HPSE2: variants seen among roughly 807,000 people sequenced by gnomAD.
HPSE2 encodes heparanase 2 (inactive).
A neutral mutation model predicts 60.5 loss-of-function variants in HPSE2; 38 were observed. That is an observed-to-expected ratio of 0.63 (90% CI 0.48 to 0.82). The LOEUF is 0.82. Ranked by LOEUF, HPSE2 falls within the 40% of genes least tolerant of loss-of-function variation. HPSE2 has a pLI of 0.00. For synonymous variants in HPSE2, 295 were observed against 293.2 expected, an observed-to-expected ratio of 1.01 and a Z score of -0.06; for missense variants, 713 against 740.4, an observed-to-expected ratio of 0.96 and a Z score of 0.43.
chr10:99,184,522 C>CCAAAAA (rs1847899081), intron 2 of HPSE2, among the ~76,000 whole-genome samples: 5 of 60,788 alleles, frequency 8.2e-5, no homozygotes, highest in African/African-American at 6.1e-4. Flanking sequence ...GAGACTGTCT[C>CCAAAAA]AAAAAAAAAA....
intron 7 of HPSE2, among the ~76,000 whole-genome samples, chr10:98,621,631 T>A (rs1278793193): frequency 6.6e-6 from 1 of 152,176 alleles, no homozygotes; most frequent in East Asian, 1.9e-4. Flanking sequence ...AAAAACTCAG[T>A]CTCACAGGGA....
intron 9 of HPSE2, among the ~76,000 whole-genome samples, chr10:98,609,451 A>G (rs1419386419): frequency 6.6e-6 from 1 of 152,204 alleles, no homozygotes; most frequent in Non-Finnish European, 1.5e-5. Flanking sequence ...GCCTTCTTTA[A>G]GATCTTAAAA....
chr10:99,255,429 A>G, the HPSE2 span, among the ~76,000 whole-genome samples: 3 of 152,324 alleles, frequency 2.0e-5, no homozygotes, highest in East Asian at 5.8e-4. Flanking sequence ...AAATAAAACT[A>G]CTGACAAATA....
chr10:98,486,304 G>T (rs1362428290), intron 10 of HPSE2, among the ~76,000 whole-genome samples: 1 of 152,192 alleles, frequency 6.6e-6, no homozygotes, highest in Non-Finnish European at 1.5e-5. Context: ...TGAAGGCTTG[G>T]CCTGCAAGCA....
intron 3 of HPSE2, among the ~76,000 whole-genome samples, chr10:98,897,967 T>G (rs1953543453): frequency 6.6e-6 from 1 of 151,852 alleles, no homozygotes; most frequent in Non-Finnish European, 1.5e-5. Flanking sequence ...ATGCCAAAAA[T>G]ATACCAAAGA....
the HPSE2 span, among the ~76,000 whole-genome samples, chr10:99,308,805 A>G: frequency 3.9e-5 from 6 of 152,224 alleles, no homozygotes; most frequent in African/African-American, 1.4e-4. Flanking sequence ...TGGGATGATA[A>G]CATCATTCTT....
chr10:98,936,772 A>T (rs1217146593), intron 3 of HPSE2, among the ~76,000 whole-genome samples: 1 of 142,290 alleles, frequency 7.0e-6, no homozygotes, highest in East Asian at 2.0e-4. Flanking sequence ...TGAGGTCAGA[A>T]GTTCAAGACT....
At chr10:98,610,885 T>C (rs1350937959) in intron 9 of HPSE2, among the ~76,000 whole-genome samples, 1 of 152,190 alleles carries the variant, frequency 6.6e-6, no homozygotes, top group Non-Finnish European at 1.5e-5. Flanking sequence ...TTCCTTTCCC[T>C]GAAAGCTCTG....
intron 11 of HPSE2, among the ~76,000 whole-genome samples, chr10:98,466,536 G>A (rs548737206): frequency 2.0e-3 from 299 of 151,694 alleles, no homozygotes; most frequent in African/African-American, 6.7e-3. Context: ...GCTTGAACTC[G>A]GGAGGTGGAG....
At chr10:98,576,078 G>A (rs1944632138) in intron 9 of HPSE2, among the ~76,000 whole-genome samples, 1 of 151,978 alleles carries the variant, frequency 6.6e-6, no homozygotes, top group African/African-American at 2.4e-5. Context: ...CTTTACTGAA[G>A]AAATATATGT....
At chr10:98,944,943 T>C (rs922954945) in intron 3 of HPSE2, among the ~76,000 whole-genome samples, 3 of 152,154 alleles carry the variant, frequency 2.0e-5, no homozygotes, top group African/African-American at 7.2e-5. Flanking sequence ...ATTATGCCTC[T>C]TTTTATGAGT....
intron 3 of HPSE2, among the ~76,000 whole-genome samples, chr10:99,101,986 T>G (rs1303915821): frequency 3.3e-5 from 5 of 152,186 alleles, no homozygotes; most frequent in African/African-American, 1.2e-4. Context: ...TTTAATGCAG[T>G]GTGTAGAGGT....
chr10:98,494,854 G>A (rs1941777270), intron 9 of HPSE2, among the ~76,000 whole-genome samples: 1 of 152,088 alleles, frequency 6.6e-6, no homozygotes, highest in South Asian at 2.1e-4. Context: ...TTTAAAAGAG[G>A]TATTAGTCTG....
At chr10:98,526,312 C>T (rs1942965774) in intron 9 of HPSE2, among the ~76,000 whole-genome samples, 2 of 152,198 alleles carry the variant, frequency 1.3e-5, no homozygotes, top group South Asian at 4.1e-4. Flanking sequence ...TTAAAACTTT[C>T]ATGTGGCTGT....
In HPSE2 at chr10:99,232,223, A is replaced by G. The variant is rs1245421925; in HGVS notation, c.448+125T>C. 8,634 of 924,808 alleles carry G rather than the reference A, an allele frequency of 9.3e-3. 182 individuals carry two copies. Among genetic ancestry groups the G allele is most frequent in the South Asian group, 0.01 (599 of 57,644 alleles). 57.3% of individuals were successfully genotyped at this position (924,808 alleles called of 1,614,324 possible). A position where few individuals can be genotyped will look rare whatever the true frequency, so the allele number is the denominator to read the frequency against. On this transcript the variant is annotated intron_variant, in intron 2 of 11. Transcript: ENST00000370552. ...AACGCGCGCGCGCGCATACACACACACACACACACACACACACACACACAC... is the reference window on the plus strand; with the variant it reads ...AACGCGCGCGCGCGCATACACACACGCACACACACACACACACACACACAC...
At chr10:98,856,705 A>C (rs1952324441) in intron 3 of HPSE2, among the ~76,000 whole-genome samples, 1 of 152,210 alleles carries the variant, frequency 6.6e-6, no homozygotes, top group Non-Finnish European at 1.5e-5. Flanking sequence ...AAAATGTTTA[A>C]AATGGTAAAT....
At chr10:99,251,586 A>G in the HPSE2 span, among the ~76,000 whole-genome samples, 1 of 152,240 alleles carries the variant, frequency 6.6e-6, no homozygotes, top group African/African-American at 2.4e-5. Flanking sequence ...AAAAATCCTC[A>G]ACAAAATACT....
rs1162292360 is a variant in HPSE2, at chr10:99,132,241, G to GAGAAAGAAAGAAAGAA, written c.610+11981_610+11996dup. On this transcript the variant is annotated intron_variant, in intron 3 of 11. Coordinates refer to ENST00000370552, the MANE Select transcript of HPSE2 (RefSeq NM_021828.5). ...AGAGAGAGAGAGAGAGAGAGAGAGA[G>GAGAAAGAAAGAAAGAA]AGAAAGAAAGAAAGAAAGAAAGAAA... Among the ~76,000 whole-genome samples, 132 of 28,926 alleles carry GAGAAAGAAAGAAAGAA rather than the reference G, an allele frequency of 4.6e-3. 2 individuals are homozygous for GAGAAAGAAAGAAAGAA. Among genetic ancestry groups the GAGAAAGAAAGAAAGAA allele is most frequent in the Middle Eastern group, 0.016 (1 of 62 alleles). 19.0% of individuals were successfully genotyped at this position (28,926 alleles called of 152,430 possible).
chr10:98,581,761 C>T lies in HPSE2; in HGVS notation c.1320+33143G>A, dbSNP rs1298216325. ...ATTGCCATGTGCCAACAATTCTAAACGTTGCCAGTCATAAAATACTCCTCC... is the reference window on the plus strand; with the variant it reads ...ATTGCCATGTGCCAACAATTCTAAATGTTGCCAGTCATAAAATACTCCTCC... On this transcript the variant is annotated intron_variant, in intron 9 of 11. Transcript: ENST00000370552. 9.2e-5 allele frequency among the ~76,000 whole-genome samples: 14 copies of T among 152,294 alleles called. No individual in the cohort carries two copies. The South Asian group carries it at 1.0e-3, about 11-fold the overall frequency.
Sources: allele counts gnomAD v4.1 joint callset (sites outside exome capture counted in the v4.1 genomes callset), GRCh38; gene constraint gnomAD v4.1.1; transcripts MANE v1.5; gene names NCBI Gene and HGNC (gene_info 2026-07-23, HGNC 2026-07-21).